ESCO1: variants seen among roughly 807,000 people sequenced by gnomAD.
The protein encoded by ESCO1 is N-acetyltransferase ESCO1.
A neutral mutation model predicts 83.5 loss-of-function variants in ESCO1; 33 were observed. The ratio of observed to expected loss-of-function variants is 0.40; its 90% CI spans 0.30 to 0.53. The LOEUF (loss-of-function observed/expected upper bound fraction) is 0.53. Among genes scored for constraint, ESCO1 ranks in the 20% least tolerant of loss-of-function variants. The pLI, the probability that ESCO1 is intolerant of heterozygous loss-of-function variation, is 0.63. For synonymous variants in ESCO1, 332 were observed against 324.3 expected (o/e 1.02, Z -0.25); for missense variants, 855 against 968.0 (o/e 0.88, Z 1.55).
rs2037854348 is a variant in ESCO1 at position 21,537,775 on chromosome 18, A to G, written c.2044-1590T>C. On this transcript the variant is annotated intron_variant, in intron 9 of 11. Transcript: ENST00000269214. ...TCTAAGAAAAGTCTGGTTGCCATAT[A>G]TGGTAGTGTAGCAAAAGTTCCCATG... Among the ~76,000 whole-genome samples the G allele has an allele frequency of 2.0e-5, 3 of 152,226 alleles. No homozygotes were observed. The South Asian group carries it at 6.2e-4, about 32-fold the overall frequency.
At chr18:21,591,265 G>A (rs1189034777) in intron 1 of ESCO1, among the ~76,000 whole-genome samples, 2 of 152,162 alleles carry the variant, frequency 1.3e-5, no homozygotes, top group Non-Finnish European at 2.9e-5. Flanking sequence ...TGAAAATGAT[G>A]GCAGAGATTG....
intron 1 of ESCO1, among the ~76,000 whole-genome samples, chr18:21,588,625 G>C (rs1015523652): frequency 6.6e-6 from 1 of 152,030 alleles, no homozygotes; most frequent in Non-Finnish European, 1.5e-5. Context: ...GCCAACCAAA[G>C]AGAAAAATGG....
At position 21,530,401 on chromosome 18, in the gene ESCO1, T is replaced by A; in HGVS notation, c.2465A>T (p.Tyr822Phe). Residue 822 changes from tyrosine to phenylalanine, a missense_variant, in exon 12 of 12, where the codon TAC (tyrosine) becomes TTC (phenylalanine). Tyr to Phe is a conservative substitution (Grantham distance 22). Transcript: ENST00000269214. Reference protein sequence around the residue: ...TPDGKLFATQYCGTGQFLVYN... With the variant: ...TPDGKLFATQFCGTGQFLVYN... ...TACCAGAAATTGACCAGTGCCACAGTACTGTGTTGCAAACAGCTTTCCATC... is the reference window on the plus strand; with the variant it reads ...TACCAGAAATTGACCAGTGCCACAGAACTGTGTTGCAAACAGCTTTCCATC... 1 of 1,610,112 alleles carries A rather than the reference T, an allele frequency of 6.2e-7. No homozygotes were observed. Among genetic ancestry groups the A allele is most frequent in the Non-Finnish European group, 8.5e-7 (1 of 1,179,282 alleles).
At chr18:21,553,335 C>T (rs558220702) in intron 8 of ESCO1, among the ~76,000 whole-genome samples, 12 of 150,734 alleles carry the variant, frequency 8.0e-5, no homozygotes, top group East Asian at 7.8e-4. Flanking sequence ...GGACTGGGCA[C>T]GGTGGCTCTT....
intron 4 of ESCO1, among the ~76,000 whole-genome samples, chr18:21,572,574 G>A (rs1002358637): frequency 2.0e-5 from 3 of 152,062 alleles, no homozygotes; most frequent in African/African-American, 7.2e-5. Flanking sequence ...GGCCACAAAG[G>A]TCATCTCCTT....
intron 8 of ESCO1, among the ~76,000 whole-genome samples, chr18:21,557,715 T>C (rs1250122680): frequency 6.6e-6 from 1 of 152,174 alleles, no homozygotes; most frequent in East Asian, 1.9e-4. Context: ...CATACATTGT[T>C]CTTTGGCATT....
chr18:21,591,813 G>A (rs1310317279), intron 1 of ESCO1, among the ~76,000 whole-genome samples: 1 of 152,012 alleles, frequency 6.6e-6, no homozygotes, highest in Admixed American at 6.6e-5. Context: ...AGAGGGCCCT[G>A]CGGCCTTCCG....
At chr18:21,581,931 GA>G (rs1217784864) in intron 2 of ESCO1, among the ~76,000 whole-genome samples, 11 of 144,816 alleles carry the variant, frequency 7.6e-5, no homozygotes, top group African/African-American at 1.5e-4. Context: ...AAAAAAAAAA[GA>G]AAAAAAAAAT....
In ESCO1 at chr18:21,573,469, T is replaced by C. The variant is rs761735631; in HGVS notation, c.1375A>G (p.Asn459Asp). 17 of 1,612,098 alleles carry C rather than the reference T, an allele frequency of 1.1e-5. No homozygotes were observed. Among genetic ancestry groups the C allele is most frequent in the Non-Finnish European group, 1.4e-5 (16 of 1,179,622 alleles). ...TCATTAATTTTCACTTCTTCAGAAT[T>C]AATTTCTTTCATTTTTTCCTGCTGG... ...TCQQEKMKEI[N>D]SEEVKINDIT... Residue 459 changes from asparagine to aspartate, a missense_variant, in exon 4 of 12, where the codon AAT becomes GAT. Around this residue, in one of 2 missense-constraint regions of ESCO1, gnomAD observed 726 missense variants for 699.5 expected, o/e 1.04. Coordinates refer to ENST00000269214, the MANE Select transcript of ESCO1 (RefSeq NM_052911.3).
At chr18:21,589,881 G>A (rs548014860) in intron 1 of ESCO1, among the ~76,000 whole-genome samples, 1 of 151,920 alleles carries the variant, frequency 6.6e-6, no homozygotes, top group African/African-American at 2.4e-5. Context: ...AGGCTGGAGT[G>A]CAGTGGTGCC....
chr18:21,600,413 ACCTCAAGC>A (rs2038827892), intron 1 of ESCO1, among the ~76,000 whole-genome samples: 2 of 152,200 alleles, frequency 1.3e-5, no homozygotes, highest in Non-Finnish European at 2.9e-5. Context: ...TTAGCTGCCT[ACCTCAAGC>A]GACGGCGTCT....
intron 10 of ESCO1, 119 bp from the exon 11 acceptor site, chr18:21,532,779 G>A (rs2037784224): frequency 2.4e-6 from 2 of 825,332 alleles, no homozygotes; most frequent in Non-Finnish European, 3.6e-6. Flanking sequence ...GGCCACTTAT[G>A]CTTTCACTCT....
chr18:21,574,009 T>C lies in ESCO1; in HGVS notation c.835A>G (p.Ser279Gly). 1 of 1,613,592 alleles carries C rather than the reference T, an allele frequency of 6.2e-7. No homozygotes were observed. Among genetic ancestry groups the C allele is most frequent in the Non-Finnish European group, 8.5e-7 (1 of 1,180,018 alleles). ...QVNTNTTLPKSPQPSVPEQSD... is the reference protein window; with the variant it reads ...QVNTNTTLPKGPQPSVPEQSD... Reference sequence around the variant, plus strand: ...TGTTCAGGCACTGATGGCTGTGGACTTTTTGGGAGTGTTGTGTTAGTATTC... The same window carrying C: ...TGTTCAGGCACTGATGGCTGTGGACCTTTTGGGAGTGTTGTGTTAGTATTC... Residue 279 changes from serine (S) to glycine (G), a missense_variant, in exon 4 of 12, where the codon AGT becomes GGT. This residue lies in a region of ESCO1 where 726 missense variants were observed against 699.5 expected (regional missense o/e 1.04). Coordinates refer to ENST00000269214, the MANE Select transcript of ESCO1 (RefSeq NM_052911.3).
At chr18:21,551,110 C>T (rs1167562120) in intron 8 of ESCO1, among the ~76,000 whole-genome samples, 2 of 120,128 alleles carry the variant, frequency 1.7e-5, no homozygotes, top group African/African-American at 3.2e-5. Flanking sequence ...AAAACTCTGT[C>T]TCAAAAAAAA....
chr18:21,545,726 C>T (rs1281211701), intron 8 of ESCO1, among the ~76,000 whole-genome samples: 1 of 152,010 alleles, frequency 6.6e-6, no homozygotes, highest in Admixed American at 6.6e-5. Context: ...GTCAGGAGTT[C>T]GAGACCAGCC....
chr18:21,579,880 GA>G (rs1210439879), intron 2 of ESCO1, among the ~76,000 whole-genome samples: 1 of 149,158 alleles, frequency 6.7e-6, no homozygotes, highest in Non-Finnish European at 1.5e-5. Flanking sequence ...AATAATGGAT[GA>G]AAAAAATTAT....
In ESCO1 at chr18:21,567,868, G is replaced by A. The variant is rs541209413; in HGVS notation, c.1645+112C>T. ...GATAATCACATATTTGAAAAATACA[G>A]CAATGGTTAAAAAGAATTTAACAAC... On this transcript the variant is annotated intron_variant, in intron 5 of 11. Coordinates refer to ENST00000269214, the MANE Select transcript of ESCO1 (RefSeq NM_052911.3). 6.2e-5 allele frequency: 43 copies of A among 698,428 alleles called. No homozygotes were observed. In the East Asian group the frequency reaches 1.2e-3, roughly 19 times the overall value. 43.3% of individuals were successfully genotyped at this position (698,428 alleles called of 1,614,324 possible). A position where few individuals can be genotyped will look rare whatever the true frequency, so the allele number is the denominator to read the frequency against.
At chr18:21,555,781 G>T (rs1445501195) in intron 8 of ESCO1, among the ~76,000 whole-genome samples, 1 of 151,758 alleles carries the variant, frequency 6.6e-6, no homozygotes, top group Non-Finnish European at 1.5e-5. Context: ...CACCCTAGGT[G>T]ACAGAGCGAG....
chr18:21,568,220 A>G, intron 4 of ESCO1, 126 bp from the exon 5 acceptor site: 1 of 653,330 alleles, frequency 1.5e-6, no homozygotes, highest in Non-Finnish European at 2.6e-6. Flanking sequence ...TACAGACATG[A>G]AGTCTCCCCA....
Sources: gnomAD v4.1 joint callset for allele counts (sites outside exome capture counted in the v4.1 genomes callset) on GRCh38, gnomAD v4.1.1 for gene constraint, gnomAD v4.1.1 regional missense constraint, MANE v1.5 for transcripts, NCBI Gene and HGNC (gene_info 2026-07-23, HGNC 2026-07-21) for gene names.